Variants in CAMSAP1 observed in about 807,000 individuals in gnomAD.
The protein encoded by CAMSAP1 is calmodulin regulated spectrin associated protein 1.
In CAMSAP1, 58 loss-of-function variants were observed where a neutral mutation model predicts 143.5. The ratio of observed to expected loss-of-function variants is 0.40; its 90% CI spans 0.33 to 0.50. The LOEUF is 0.50. Ranked by LOEUF, CAMSAP1 falls within the 20% of genes least tolerant of loss-of-function variation. The pLI is 0.45. For synonymous variants in CAMSAP1, 945 were observed against 859.3 expected (o/e 1.10, Z -1.74); for missense variants, 1,969 against 2,115.7 (o/e 0.93, Z 1.36).
chr9:135,893,102 C>G (rs1464422531), intron 1 of CAMSAP1, among the ~76,000 whole-genome samples: 2 of 148,194 alleles, frequency 1.3e-5, no homozygotes, highest in Non-Finnish European at 3.0e-5. Context: ...CCCAGGAGTT[C>G]AAGGCTACAG....
At chr9:135,837,565 G>A (rs183304919) in intron 7 of CAMSAP1, among the ~76,000 whole-genome samples, 53 of 142,214 alleles carry the variant, frequency 3.7e-4, no homozygotes, top group Non-Finnish European at 4.5e-5. Flanking sequence ...ACATCATCAC[G>A]CACTTTCTAC....
intron 1 of CAMSAP1, among the ~76,000 whole-genome samples, chr9:135,903,449 G>A (rs1339985174): frequency 6.6e-6 from 1 of 152,208 alleles, no homozygotes; most frequent in Non-Finnish European, 1.5e-5. Context: ...CCCCAGGAAC[G>A]AATGAAACTG....
At position 135,811,592 on chromosome 9, in the gene CAMSAP1, G is replaced by A. The variant is rs1208195472; in HGVS notation, c.4526C>T (p.Ala1509Val). The change falls in exon 17 of 17, where the codon GCC becomes GTC. Residue 1509 changes from alanine to valine, a missense_variant. Physicochemically the swap from Ala to Val is moderately conservative, Grantham distance 64 (BLOSUM62 0). Coordinates refer to ENST00000389532, the MANE Select transcript of CAMSAP1 (RefSeq NM_015447.4). The surrounding 1 kb of genome is among the most constrained non-coding windows in gnomAD (Gnocchi z 4.9). Reference protein sequence around the residue: ...SILEELEKCDANHYIILFRDA... With the variant: ...SILEELEKCDVNHYIILFRDA... ...ACGAAACAGTATGATGTAGTGATTG[G>A]CATCACACTTCTCCAGCTCCTGTGC... 6.3e-7 allele frequency: 1 copy of A among 1,592,054 alleles called. No individual in the cohort carries two copies. Among genetic ancestry groups the A allele is most frequent in the South Asian group, 1.1e-5 (1 of 87,706 alleles).
Position 135,824,805 on chromosome 9 carries a change from C to T in CAMSAP1, c.1299G>A (p.Gln433=), listed in dbSNP as rs745457968. The change falls in exon 9 of 17, where the codon CAG becomes CAA. Residue 433 remains glutamine, a synonymous_variant. Coordinates refer to ENST00000389532, the MANE Select transcript of CAMSAP1 (RefSeq NM_015447.4). This position sits in a 1 kb window ranked among gnomAD's most constrained non-coding sequence, Gnocchi z 4.1. ...PLRQKQQKSI[Q]GEDIPDQRHR... ...CATTCTTACCAGGGATGTCCTCTCCCTGTATGGATTTCTGCTGTTTCTGTC... is the reference window on the plus strand; with the variant it reads ...CATTCTTACCAGGGATGTCCTCTCCTTGTATGGATTTCTGCTGTTTCTGTC... 2 of 1,595,494 alleles carry T rather than the reference C, an allele frequency of 1.3e-6. No homozygotes were observed. The highest frequency in any genetic ancestry group is 2.3e-5 in the East Asian group (1 of 44,366).
In CAMSAP1 at chr9:135,824,920, T is replaced by C. The variant is rs1467912888; in HGVS notation, c.1224-40A>G. ...AATTACAGGGAAAATCATTCCTTTATCAAACTTCAAGGTCAACAGCAAATG... is the reference window on the plus strand; with the variant it reads ...AATTACAGGGAAAATCATTCCTTTACCAAACTTCAAGGTCAACAGCAAATG... On this transcript the variant is annotated intron_variant, in intron 8 of 16. Transcript: ENST00000389532. The surrounding 1 kb of genome is among the most constrained non-coding windows in gnomAD (Gnocchi z 4.1). 4.7e-6 allele frequency: 7 copies of C among 1,498,610 alleles called. No homozygotes were observed. Among genetic ancestry groups the C allele is most frequent in the Middle Eastern group, 1.7e-4 (1 of 5,850 alleles). The allele number at this position is 1,498,610 out of a possible 1,614,324, so 92.8% of individuals were successfully genotyped here.
At chr9:135,905,559 C>A (rs1349045697) in intron 1 of CAMSAP1, among the ~76,000 whole-genome samples, 2 of 152,166 alleles carry the variant, frequency 1.3e-5, no homozygotes, top group African/African-American at 4.8e-5. Flanking sequence ...CTGCGGTGAA[C>A]AGTCCTCAGT....
Position 135,822,981 on chromosome 9 carries a change from G to A in CAMSAP1, c.1680C>T (p.Pro560=), listed in dbSNP as rs761886231. The A allele has an allele frequency of 4.3e-6, 7 of 1,614,028 alleles. No individual in the cohort carries two copies. The Admixed American group carries it at 6.7e-5, about 15-fold the overall frequency. ...GGCCTAAGGCCCGGGGTGAGGCCCTGGGGAACTCCGGGTCAGCCTGCTGGG... is the reference window on the plus strand; with the variant it reads ...GGCCTAAGGCCCGGGGTGAGGCCCTAGGGAACTCCGGGTCAGCCTGCTGGG... The part of the protein sequence containing the change: ...VVPQQADPEF[P]RASPRALGLT... The change falls in exon 11 of 17, where the codon CCC becomes CCT. Residue 560 remains proline, a synonymous_variant. Coordinates refer to ENST00000389532, the MANE Select transcript of CAMSAP1 (RefSeq NM_015447.4). This position sits in a 1 kb window ranked among gnomAD's most constrained non-coding sequence, Gnocchi z 6.1.
chr9:135,905,977 A>G (rs762067555), intron 1 of CAMSAP1, among the ~76,000 whole-genome samples: 1 of 152,252 alleles, frequency 6.6e-6, no homozygotes, highest in African/African-American at 2.4e-5. Flanking sequence ...CAAGAACTGT[A>G]AAACTGAAAA....
intron 7 of CAMSAP1, among the ~76,000 whole-genome samples, chr9:135,830,262 T>G (rs368261618): frequency 6.6e-6 from 1 of 152,168 alleles, no homozygotes; most frequent in East Asian, 1.9e-4. Flanking sequence ...AATCAAAAGA[T>G]AGAGAGTAGC....
intron 7 of CAMSAP1, among the ~76,000 whole-genome samples, chr9:135,827,887 T>TGGTG (rs1265878304): frequency 6.6e-6 from 1 of 152,222 alleles, no homozygotes; most frequent in Non-Finnish European, 1.5e-5. Context: ...AGCCCTCCAC[T>TGGTG]GGTGGGCTGC....
intron 1 of CAMSAP1, among the ~76,000 whole-genome samples, chr9:135,905,724 C>T (rs150950975): frequency 6.6e-6 from 1 of 152,194 alleles, no homozygotes; most frequent in African/African-American, 2.4e-5. Flanking sequence ...TAAGCACATG[C>T]GGCAAAATAC....
chr9:135,905,051 C>A (rs954175960), intron 1 of CAMSAP1, among the ~76,000 whole-genome samples: 1 of 152,176 alleles, frequency 6.6e-6, no homozygotes, highest in Non-Finnish European at 1.5e-5. Context: ...AAGGGGCACT[C>A]CAGTCTCAGC....
intron 3 of CAMSAP1, among the ~76,000 whole-genome samples, chr9:135,871,773 A>AC (rs2130957315): frequency 6.6e-6 from 1 of 152,164 alleles, no homozygotes; most frequent in South Asian, 2.1e-4. Flanking sequence ...TATCAAAAAA[A>AC]AAAAAGGTAA....
In CAMSAP1 at chr9:135,818,040, G is replaced by A. The variant is rs1433318409; in HGVS notation, c.4208C>T (p.Ser1403Phe). The change falls in exon 14 of 17, where the codon TCC (serine) becomes TTC (phenylalanine). Residue 1403 changes from serine (S) to phenylalanine (F), a missense_variant. Coordinates refer to ENST00000389532, the MANE Select transcript of CAMSAP1 (RefSeq NM_015447.4). The surrounding 1 kb of genome is among the most constrained non-coding windows in gnomAD (Gnocchi z 7.7). ...TTCTGTCGTCGCCGCAGAGGCCAAGGACAGGCTGGAGCCTGACTGAGTCCG... is the reference window on the plus strand; with the variant it reads ...TTCTGTCGTCGCCGCAGAGGCCAAGAACAGGCTGGAGCCTGACTGAGTCCG... The part of the protein sequence containing the change: ...LSRTQSGSSL[S>F]LASAATTEPE... 2.5e-6 allele frequency: 4 copies of A among 1,613,894 alleles called. No individual in the cohort carries two copies. Among genetic ancestry groups the A allele is most frequent in the East Asian group, 2.2e-5 (1 of 44,870 alleles).
At chr9:135,869,736 A>G (rs576787054) in intron 3 of CAMSAP1, among the ~76,000 whole-genome samples, 1,835 of 152,342 alleles carry the variant, frequency 0.012, 23 homozygotes, top group Non-Finnish European at 0.018. Context: ...CTTGTGCATG[A>G]AATCAGCATT....
At chr9:135,888,164 C>T (rs1250249657) in intron 1 of CAMSAP1, among the ~76,000 whole-genome samples, 1 of 152,254 alleles carries the variant, frequency 6.6e-6, no homozygotes, top group Admixed American at 6.5e-5. Flanking sequence ...TGGCCCCCTA[C>T]CTGTCCGTTC....
At chr9:135,814,150 G>T (rs1387862233) in intron 16 of CAMSAP1, among the ~76,000 whole-genome samples, 1 of 152,178 alleles carries the variant, frequency 6.6e-6, no homozygotes, top group African/African-American at 2.4e-5. Context: ...CATGACCATG[G>T]CCTCTTCTGT....
chr9:135,887,071 G>C (rs1046781900), intron 1 of CAMSAP1, among the ~76,000 whole-genome samples: 1 of 152,136 alleles, frequency 6.6e-6, no homozygotes, highest in East Asian at 1.9e-4. Context: ...ACGTGCTTTG[G>C]AACCCATTAC....
chr9:135,906,224 G>C (rs888438713), intron 1 of CAMSAP1, among the ~76,000 whole-genome samples: 2 of 152,184 alleles, frequency 1.3e-5, no homozygotes, highest in African/African-American at 2.4e-5. Flanking sequence ...ACTCTAAAAA[G>C]GGTAATTTTT....
Sources: gnomAD v4.1 joint callset for allele counts (sites outside exome capture counted in the v4.1 genomes callset) on GRCh38, gnomAD v4.1.1 for gene constraint, Gnocchi (gnomAD v3.1) non-coding constraint, MANE v1.5 for transcripts, NCBI Gene and HGNC (gene_info 2026-07-23, HGNC 2026-07-21) for gene names.